Variants in ZNF730 observed in about 807,000 individuals in gnomAD.
ZNF730 encodes the protein putative zinc finger protein 730.
A neutral mutation model predicts 12.6 loss-of-function variants in ZNF730; 12 were observed. The observed-to-expected ratio is 0.95, with a 90% CI of 0.61 to 1.54. ZNF730 has a LOEUF of 1.54. Ranked by LOEUF, ZNF730 falls within the 40% of genes most tolerant of loss-of-function variation. The pLI is 0.00. For missense variants in ZNF730, 643 were observed against 583.5 expected (o/e 1.10, Z -1.05); for synonymous variants, 194 against 195.8 (o/e 0.99, Z 0.08).
At chr19:23,112,863 A>G (rs1032624962), upstream of ZNF730, among the ~76,000 whole-genome samples, 6 of 152,222 alleles carry the variant, frequency 3.9e-5, no homozygotes, top group African/African-American at 1.4e-4. Context: ...GAACTTATTC[A>G]AAATAGGTTA....
At chr19:23,142,811 CCCT>C (rs774453425) in intron 3 of ZNF730, among the ~76,000 whole-genome samples, 16 of 149,624 alleles carry the variant, frequency 1.1e-4, no homozygotes, top group Non-Finnish European at 1.8e-4. Flanking sequence ...GCATTTTTGT[CCCT>C]CATTTTCTCT....
chr19:23,081,817 G>A (rs1030639591), intron 1 of ZNF730, among the ~76,000 whole-genome samples: 5 of 152,174 alleles, frequency 3.3e-5, no homozygotes, highest in Non-Finnish European at 7.3e-5. Context: ...GGAGTGCAGT[G>A]GAGCAATGAT....
At chr19:23,128,368 G>C in intron 1 of ZNF730, 1 of 486,498 alleles carries the variant, frequency 2.1e-6, no homozygotes, top group South Asian at 2.0e-5. Flanking sequence ...CGTAACTCCA[G>C]ACTTGAAGGA....
intron 3 of ZNF730, chr19:23,144,107 A>AT (rs1050963687): frequency 6.6e-6 from 1 of 151,584 alleles, no homozygotes; most frequent in African/African-American, 2.4e-5. Flanking sequence ...TGAATATTCA[A>AT]TTTTTTATCA....
intron 1 of ZNF730, among the ~76,000 whole-genome samples, chr19:23,089,788 A>C (rs926017255): frequency 3.3e-5 from 5 of 152,218 alleles, no homozygotes; most frequent in Non-Finnish European, 4.4e-5. Context: ...GCTGAAAAAA[A>C]ATAACCGAAA....
At chr19:23,122,845 G>A (rs1297112658) in intron 1 of ZNF730, among the ~76,000 whole-genome samples, 1 of 152,106 alleles carries the variant, frequency 6.6e-6, no homozygotes, top group East Asian at 1.9e-4. Flanking sequence ...TGTTTTAACT[G>A]AATTATGGTT....
chr19:23,079,784 C>T (rs867012326), intron 1 of ZNF730, among the ~76,000 whole-genome samples: 26 of 152,162 alleles, frequency 1.7e-4, no homozygotes, highest in Middle Eastern at 3.2e-3. Context: ...CTCTCTCTAG[C>T]TCCTGAAGAA....
Position 23,146,327 on chromosome 19 carries a change from A to T in ZNF730, c.1283A>T (p.Glu428Val), listed in dbSNP as rs1407592864. 5.0e-6 allele frequency: 8 copies of T among 1,613,812 alleles called. No homozygotes were observed. The highest frequency in any genetic ancestry group is 5.9e-6 in the Non-Finnish European group (7 of 1,179,934). Residue 428 changes from glutamate to valine, a missense_variant, in exon 4 of 4, where the codon GAA becomes GTA. Physicochemically the swap from Glu to Val is moderately radical, Grantham distance 121. Coordinates refer to ENST00000597761, the MANE Select transcript of ZNF730 (RefSeq NM_001277403.2). The part of the protein sequence containing the change: ...HTGEKPYKCE[E>V]CGRAFNQSST... ...GGAGAGAAACCCTACAAATGTGAAG[A>T]ATGTGGCAGAGCTTTCAACCAGTCC...
At chr19:23,117,861 C>CA (rs541612172) in intron 1 of ZNF730, among the ~76,000 whole-genome samples, 19 of 151,886 alleles carry the variant, frequency 1.3e-4, no homozygotes, top group African/African-American at 4.1e-4. Context: ...TAGTAATTTA[C>CA]AAAAAAATAC....
Position 23,146,116 on chromosome 19 carries a change from C to T in ZNF730, c.1072C>T (p.His358Tyr). 6.2e-7 allele frequency: 1 copy of T among 1,609,700 alleles called. No individual in the cohort carries two copies. The highest frequency in any genetic ancestry group is 8.5e-7 in the Non-Finnish European group (1 of 1,177,708). Residue 358 changes from histidine to tyrosine, a missense_variant, in exon 4 of 4, where the codon CAT becomes TAT. Physicochemically the swap from His to Tyr is moderately conservative, Grantham distance 83. Coordinates refer to ENST00000597761, the MANE Select transcript of ZNF730 (RefSeq NM_001277403.2). ...TAACCGATCCTCAACCCTTAATAGA[C>T]ATAAGATAACTCATACTGGAGGGAA... The part of the protein sequence containing the change: ...AFNRSSTLNR[H>Y]KITHTGGKPY...
intron 1 of ZNF730, among the ~76,000 whole-genome samples, chr19:23,093,214 G>A (rs1389473757): frequency 6.6e-6 from 1 of 152,150 alleles, no homozygotes; most frequent in Non-Finnish European, 1.5e-5. Flanking sequence ...GATCTCAGGT[G>A]ATCCACTCGC....
intron 1 of ZNF730, among the ~76,000 whole-genome samples, chr19:23,132,467 A>G (rs1037799692): frequency 2.0e-5 from 3 of 151,602 alleles, no homozygotes; most frequent in Non-Finnish European, 4.4e-5. Context: ...AAATTCTTAT[A>G]ATAGTCAAGG....
chr19:23,132,109 G>C (rs80156966), intron 1 of ZNF730, among the ~76,000 whole-genome samples: 6,023 of 146,742 alleles, frequency 0.041, 132 homozygotes, highest in East Asian at 0.12. Flanking sequence ...CTGTGGAGCA[G>C]CTTATTGTTC....
chr19:23,130,555 G>A (rs1970733278), intron 1 of ZNF730, among the ~76,000 whole-genome samples: 3 of 152,114 alleles, frequency 2.0e-5, no homozygotes, highest in African/African-American at 7.2e-5. Context: ...GACTTTTGGT[G>A]TTTTCACCTG....
chr19:23,127,369 C>A, intron 1 of ZNF730: 1 of 751,924 alleles, frequency 1.3e-6, no homozygotes, highest in Middle Eastern at 3.0e-4. Flanking sequence ...CTTCATGCAT[C>A]ACAACTGTGT....
At chr19:23,112,932 T>C (rs1015749512), upstream of ZNF730, among the ~76,000 whole-genome samples, 1 of 152,212 alleles carries the variant, frequency 6.6e-6, no homozygotes, top group Non-Finnish European at 1.5e-5. Context: ...TAGGTCTTTT[T>C]TCCCCCTGGT....
intron 1 of ZNF730, among the ~76,000 whole-genome samples, chr19:23,092,246 T>G (rs950942229): frequency 2.6e-5 from 4 of 152,152 alleles, no homozygotes; most frequent in African/African-American, 7.2e-5. Context: ...ATTAAACCTT[T>G]TTCTTCTCAG....
At chr19:23,082,988 C>T (rs1969990470) in intron 1 of ZNF730, among the ~76,000 whole-genome samples, 1 of 152,164 alleles carries the variant, frequency 6.6e-6, no homozygotes, top group East Asian at 1.9e-4. Flanking sequence ...TGTGAGCCAC[C>T]GGACCCGGCC....
At chr19:23,133,533 G>T (rs1160193002) in intron 1 of ZNF730, among the ~76,000 whole-genome samples, 2 of 152,072 alleles carry the variant, frequency 1.3e-5, no homozygotes, top group African/African-American at 4.8e-5. Flanking sequence ...GTAGAGATGG[G>T]ATTTCTCTGT....
Sources: allele counts gnomAD v4.1 joint callset (sites outside exome capture counted in the v4.1 genomes callset), GRCh38; gene constraint gnomAD v4.1.1; transcripts MANE v1.5; gene names NCBI Gene and HGNC (gene_info 2026-07-23, HGNC 2026-07-21).